The following ZFYVE28 variants were observed in gnomAD, a reference collection of about 807,000 sequenced individuals.
ZFYVE28 encodes the protein lateral signaling target protein 2 homolog.
In ZFYVE28, 40 loss-of-function variants were observed where a neutral mutation model predicts 82.1. The ratio of observed to expected loss-of-function variants is 0.49; its 90% confidence interval spans 0.38 to 0.63. ZFYVE28 has a LOEUF of 0.63. Among genes scored for constraint, ZFYVE28 ranks in the 30% least tolerant of loss-of-function variants. ZFYVE28 has a pLI of 0.00. For synonymous variants in ZFYVE28, 612 were observed against 546.1 expected, an observed-to-expected ratio of 1.12 and a Z score of -1.68; for missense variants, 1,321 against 1,242.1, an observed-to-expected ratio of 1.06 and a Z score of -0.96.
chr4:2,384,315 G>A (rs980460125), intron 1 of ZFYVE28, among the ~76,000 whole-genome samples: 1 of 152,224 alleles, frequency 6.6e-6, no homozygotes, highest in Non-Finnish European at 1.5e-5. Flanking sequence ...AAGTGTGAAA[G>A]CTTCTGTACC....
chr4:2,380,109 G>A (rs1229011092), intron 1 of ZFYVE28, among the ~76,000 whole-genome samples: 2 of 152,180 alleles, frequency 1.3e-5, no homozygotes, highest in African/African-American at 2.4e-5. Context: ...AATAGTATTA[G>A]TATACAATCG....
chr4:2,378,638 G>A (rs1728408492), intron 1 of ZFYVE28, among the ~76,000 whole-genome samples: 1 of 152,060 alleles, frequency 6.6e-6, no homozygotes, highest in Non-Finnish European at 1.5e-5. Flanking sequence ...CTCCCGGCTG[G>A]GGCTGGTCCT....
intron 1 of ZFYVE28, among the ~76,000 whole-genome samples, chr4:2,368,809 C>T (rs909081776): frequency 2.6e-5 from 4 of 152,170 alleles, no homozygotes; most frequent in Non-Finnish European, 5.9e-5. Flanking sequence ...ATGTTTTCAG[C>T]TCTCTGGGTA....
chr4:2,404,102 C>T (rs534397942), intron 1 of ZFYVE28, among the ~76,000 whole-genome samples: 13 of 151,808 alleles, frequency 8.6e-5, no homozygotes, highest in East Asian at 3.9e-4. Context: ...GGGCGGATCA[C>T]GAGGTCAGGA....
At chr4:2,404,670 C>A (rs1319951787) in intron 1 of ZFYVE28, among the ~76,000 whole-genome samples, 1 of 152,026 alleles carries the variant, frequency 6.6e-6, no homozygotes, top group Non-Finnish European at 1.5e-5. Flanking sequence ...GTTCCAGGGG[C>A]CAGAGGCAGG....
At chr4:2,334,066 CCTGAGT>C (rs1279883225) in intron 6 of ZFYVE28, among the ~76,000 whole-genome samples, 1 of 152,186 alleles carries the variant, frequency 6.6e-6, no homozygotes, top group Non-Finnish European at 1.5e-5. Flanking sequence ...AAGGAAGTTC[CCTGAGT>C]CTAACGGCAG....
intron 1 of ZFYVE28, among the ~76,000 whole-genome samples, chr4:2,355,042 C>T (rs970316256): frequency 2.0e-5 from 3 of 151,228 alleles, no homozygotes; most frequent in South Asian, 4.2e-4. Context: ...CACGCCCCAA[C>T]CCCGCCTGGC....
chr4:2,317,036 T>TG (rs1209195136), intron 7 of ZFYVE28, among the ~76,000 whole-genome samples: 1 of 145,568 alleles, frequency 6.9e-6, no homozygotes, highest in Non-Finnish European at 1.5e-5. Flanking sequence ...TCACCCAGGC[T>TG]GGAGTACAGT....
chr4:2,364,513 G>T, intron 1 of ZFYVE28: 2 of 985,488 alleles, frequency 2.0e-6, no homozygotes, highest in Non-Finnish European at 2.4e-6. Flanking sequence ...CTGTTTAGAG[G>T]AATCCTCCAC....
chr4:2,279,375 G>C (rs544452169), intron 8 of ZFYVE28, among the ~76,000 whole-genome samples: 1 of 152,328 alleles, frequency 6.6e-6, no homozygotes, highest in Non-Finnish European at 1.5e-5. Context: ...AGGTTGCAGT[G>C]AGCCAAGATC....
chr4:2,363,800 G>A lies in ZFYVE28; in HGVS notation c.40-9727C>T, dbSNP rs188504924. On this transcript the variant is annotated intron_variant, in intron 1 of 12. Coordinates refer to ENST00000290974, the MANE Select transcript of ZFYVE28 (RefSeq NM_020972.3). ...TCTTCTCTTGGGACTGGTAATTAGC[G>A]AATCTGCTTTGAAGTCCCCACCACC... Among the ~76,000 whole-genome samples, 271 of 152,242 alleles carry A rather than the reference G, an allele frequency of 1.8e-3. 2 individuals carry two copies. The highest frequency in any genetic ancestry group is 0.016 in the Admixed American group (245 of 15,296).
intron 8 of ZFYVE28, among the ~76,000 whole-genome samples, chr4:2,291,194 A>G (rs4602560): frequency 0.7 from 106,158 of 152,042 alleles, 38,285 homozygotes; most frequent in African/African-American, 0.87. Flanking sequence ...TGAGGACGGC[A>G]TCCTGGTCTC....
rs1300274920 is a variant in ZFYVE28 at position 2,320,416 on chromosome 4, G to C, written c.702-145C>G. The C allele has an allele frequency of 3.2e-6, 2 of 631,116 alleles. No individual in the cohort carries two copies. The highest frequency in any genetic ancestry group is 1.8e-5 in the African/African-American group (1 of 54,320). The allele number at this position is 631,116 out of a possible 1,614,324, so 39.1% of individuals were successfully genotyped here. ...CAGCACGGCCGCCGCCTCATGCTTT[G>C]CCTTGTGTGATTGCATTGTAAATAA... On this transcript the variant is annotated intron_variant, in intron 6 of 12. Coordinates refer to ENST00000290974, the MANE Select transcript of ZFYVE28 (RefSeq NM_020972.3). This position sits in a 1 kb window ranked among gnomAD's most constrained non-coding sequence, Gnocchi z 5.1.
intron 1 of ZFYVE28, among the ~76,000 whole-genome samples, chr4:2,402,040 A>G (rs1731240929): frequency 1.3e-5 from 2 of 152,194 alleles, no homozygotes. Context: ...CAAGAGACAC[A>G]GAGGAAGAAA....
chr4:2,278,351 C>A (rs1736670981), intron 8 of ZFYVE28, among the ~76,000 whole-genome samples: 1 of 151,868 alleles, frequency 6.6e-6, no homozygotes, highest in South Asian at 2.1e-4. Flanking sequence ...CACTGCCCGG[C>A]TAATTTTTGC....
In ZFYVE28 at chr4:2,305,168, C is replaced by T. The variant is rs551511249; in HGVS notation, c.1172G>A (p.Arg391Gln). The T allele has an allele frequency of 2.6e-5, 42 of 1,592,466 alleles. 1 individual carries two copies. Among genetic ancestry groups the T allele is most frequent in the South Asian group, 2.0e-4 (18 of 88,448 alleles). Reference sequence around the variant, plus strand: ...GCGCTCCTCCTCGTCACTGCCTGACCGCAGGCGCGGTCTACCTGGAGAGGC... The same window carrying T: ...GCGCTCCTCCTCGTCACTGCCTGACTGCAGGCGCGGTCTACCTGGAGAGGC... ...GEASPGRPRL[R>Q]SGSDEEERVF... Residue 391 changes from arginine (R) to glutamine (Q), a missense_variant, in exon 8 of 13, where the codon CGG becomes CAG. Coordinates refer to ENST00000290974, the MANE Select transcript of ZFYVE28 (RefSeq NM_020972.3).
rs969225142 is a variant in ZFYVE28, at chr4:2,394,793, C to T, written c.39+23492G>A. 5.3e-5 allele frequency among the ~76,000 whole-genome samples: 8 copies of T among 152,248 alleles called. No homozygotes were observed. The highest frequency in any genetic ancestry group is 1.2e-4 in the African/African-American group (5 of 41,466). On this transcript the variant is annotated intron_variant, in intron 1 of 12. Coordinates refer to ENST00000290974, the MANE Select transcript of ZFYVE28 (RefSeq NM_020972.3). This position sits in a 1 kb window ranked among gnomAD's most constrained non-coding sequence, Gnocchi z 4.0. ...CACTGTCGGCGGTCAGAGGCGTCCT[C>T]GTCCTTGCAGCAACCCTGGTGCCAG...
At chr4:2,387,217 G>A (rs1053854900) in intron 1 of ZFYVE28, among the ~76,000 whole-genome samples, 3 of 152,214 alleles carry the variant, frequency 2.0e-5, no homozygotes, top group Admixed American at 1.3e-4. Context: ...AGTCCACTGG[G>A]AACCCGGAAG....
At position 2,372,220 on chromosome 4, in the gene ZFYVE28, T is replaced by C. The variant is rs1727639456; in HGVS notation, c.40-18147A>G. Among the ~76,000 whole-genome samples the C allele has an allele frequency of 6.6e-6, 1 of 151,982 alleles. No homozygotes were observed. Among genetic ancestry groups the C allele is most frequent in the Admixed American group, 6.6e-5 (1 of 15,256 alleles). On this transcript the variant is annotated intron_variant, in intron 1 of 12. Coordinates refer to ENST00000290974, the MANE Select transcript of ZFYVE28 (RefSeq NM_020972.3). The surrounding 1 kb of genome is among the most constrained non-coding windows in gnomAD (Gnocchi z 5.2). ...AAAGGACCTTCCAGAGAACCAGAGGTTTCCATCCTAGAAGGATGGTGGCGG... is the reference window on the plus strand; with the variant it reads ...AAAGGACCTTCCAGAGAACCAGAGGCTTCCATCCTAGAAGGATGGTGGCGG...
Sources: gnomAD v4.1 joint callset for allele counts (sites outside exome capture counted in the v4.1 genomes callset) on GRCh38, gnomAD v4.1.1 for gene constraint, Gnocchi (gnomAD v3.1) non-coding constraint, MANE v1.5 for transcripts, NCBI Gene and HGNC (gene_info 2026-07-23, HGNC 2026-07-21) for gene names.